Variants in RAB3B observed in about 807,000 individuals in gnomAD.
RAB3B encodes RAB3B, member RAS oncogene family, also known as ras-related protein Rab-3B.
Under a neutral mutation model 20.5 loss-of-function variants are expected in RAB3B, and 11 were observed. That is an observed-to-expected ratio of 0.54 (90% confidence interval 0.34 to 0.89). The LOEUF is 0.89. RAB3B is among the 40% of genes least tolerant of loss of function. The probability of loss-of-function intolerance (pLI) is 0.02; values close to 1 mark genes in which losing one functional copy is unlikely to be tolerated. For missense variants in RAB3B, 225 were observed against 280.9 expected, an observed-to-expected ratio of 0.80 and a Z score of 1.42; for synonymous variants, 99 against 106.3, an observed-to-expected ratio of 0.93 and a Z score of 0.42.
chr1:51,971,391 A>T (rs1014954154), intron 2 of RAB3B, among the ~76,000 whole-genome samples: 5 of 150,684 alleles, frequency 3.3e-5, no homozygotes, highest in African/African-American at 4.9e-5. Flanking sequence ...CTCAAATAGT[A>T]CCTAATCCTA....
At position 51,940,487 on chromosome 1, in the gene RAB3B, G is replaced by C. The variant is rs554590767; in HGVS notation, c.229-3075C>G. Among the ~76,000 whole-genome samples the C allele has an allele frequency of 1.6e-4, 24 of 152,268 alleles. No individual in the cohort carries two copies. The South Asian group carries it at 3.1e-3, about 20-fold the overall frequency. ...AAAATACAAAAGTTAGCCAGGTGTA[G>C]TGGTGTACACCTGTAATCCCAGCTA... On this transcript the variant is annotated intron_variant, in intron 2 of 4. Transcript: ENST00000371655.
At chr1:51,944,064 C>T (rs1208862156) in intron 2 of RAB3B, among the ~76,000 whole-genome samples, 2 of 152,180 alleles carry the variant, frequency 1.3e-5, no homozygotes, top group African/African-American at 2.4e-5. Flanking sequence ...GACTTCAAAG[C>T]TTAAAGAACA....
chr1:51,938,300 G>T (rs1184814437), intron 2 of RAB3B, among the ~76,000 whole-genome samples: 1 of 151,998 alleles, frequency 6.6e-6, no homozygotes, highest in Non-Finnish European at 1.5e-5. Flanking sequence ...CATTAAAAAT[G>T]TTCATACTCT....
intron 2 of RAB3B, among the ~76,000 whole-genome samples, chr1:51,974,546 T>C (rs1168265847): frequency 3.3e-5 from 5 of 152,222 alleles, no homozygotes; most frequent in East Asian, 1.9e-4. Context: ...ATGCCTTTAA[T>C]AGAGAGCAAA....
intron 2 of RAB3B, among the ~76,000 whole-genome samples, chr1:51,963,454 A>G (rs1684809142): frequency 6.6e-6 from 1 of 152,206 alleles, no homozygotes; most frequent in African/African-American, 2.4e-5. Flanking sequence ...CTCTTTGCCT[A>G]TTCTATGCCT....
At chr1:51,936,586 G>A (rs1441548597) in intron 3 of RAB3B, among the ~76,000 whole-genome samples, 1 of 152,016 alleles carries the variant, frequency 6.6e-6, no homozygotes. Context: ...TTCAACACTC[G>A]CACCTACCTT....
chr1:51,945,722 T>C (rs1333445288), intron 2 of RAB3B, among the ~76,000 whole-genome samples: 8 of 152,224 alleles, frequency 5.3e-5, no homozygotes, highest in African/African-American at 1.9e-4. Flanking sequence ...GCTATATGTG[T>C]CATTTCCCAT....
chr1:51,951,733 G>A (rs1025101063), intron 2 of RAB3B, among the ~76,000 whole-genome samples: 3 of 152,170 alleles, frequency 2.0e-5, no homozygotes, highest in South Asian at 2.1e-4. Context: ...AGAATCACTT[G>A]AGCCTAGGAG....
chr1:51,940,247 T>C (rs1161078184), intron 2 of RAB3B, among the ~76,000 whole-genome samples: 1 of 152,148 alleles, frequency 6.6e-6, no homozygotes, highest in East Asian at 1.9e-4. Context: ...AATAGAGTTG[T>C]GAAGGTGGCT....
At chr1:51,982,556 C>T (rs978028959) in intron 1 of RAB3B, among the ~76,000 whole-genome samples, 13 of 152,118 alleles carry the variant, frequency 8.5e-5, no homozygotes, top group African/African-American at 2.9e-4. Flanking sequence ...AGTTCAAGAC[C>T]AGCCTAGCCA....
intron 3 of RAB3B, among the ~76,000 whole-genome samples, 159 bp from the exon 4 acceptor site, chr1:51,933,601 A>C (rs911337059): frequency 6.6e-6 from 1 of 152,162 alleles, no homozygotes; most frequent in African/African-American, 2.4e-5. Flanking sequence ...CTAGAGTCCT[A>C]ATAAATGTGT....
chr1:51,958,442 G>A (rs930392472), intron 2 of RAB3B, among the ~76,000 whole-genome samples: 7 of 152,140 alleles, frequency 4.6e-5, no homozygotes, highest in Non-Finnish European at 7.4e-5. Context: ...TGGCATACTC[G>A]GCCGGGCGCG....
chr1:51,928,946 C>T (rs1447069568), intron 4 of RAB3B, among the ~76,000 whole-genome samples: 1 of 152,204 alleles, frequency 6.6e-6, no homozygotes, highest in Non-Finnish European at 1.5e-5. Flanking sequence ...TTCTCTCTTG[C>T]ACTTCTTCAT....
At chr1:51,971,397 T>A (rs1419414851) in intron 2 of RAB3B, among the ~76,000 whole-genome samples, 1 of 151,844 alleles carries the variant, frequency 6.6e-6, no homozygotes, top group Non-Finnish European at 1.5e-5. Flanking sequence ...TAGTACCTAA[T>A]CCTATACAGT....
chr1:51,949,612 G>A (rs1684609356), intron 2 of RAB3B, among the ~76,000 whole-genome samples: 1 of 152,242 alleles, frequency 6.6e-6, no homozygotes, highest in Admixed American at 6.5e-5. Context: ...GTCACCCCAA[G>A]GGGAAGGTGG....
intron 2 of RAB3B, among the ~76,000 whole-genome samples, chr1:51,961,515 T>G (rs1684783731): frequency 6.6e-6 from 1 of 152,154 alleles, no homozygotes; most frequent in South Asian, 2.1e-4. Context: ...CCAGATGTGC[T>G]ATTTTCCAGG....
chr1:51,976,993 T>G lies in RAB3B; in HGVS notation c.125A>C (p.Tyr42Ser). The change falls in exon 2 of 5, where the codon TAT (tyrosine) becomes TCT (serine). Residue 42 changes from tyrosine to serine, a missense_variant. Transcript: ENST00000371655. ...SVGKTSFLFR[Y>S]ADDTFTPAFV... ...GGCTGGGGTGAACGTGTCATCAGCA[T>G]AGCGGAAGAGGAAGGAGGTCTTGCC... is the stretch of plus-strand genomic sequence containing the variant. 8 of 1,614,224 alleles carry G rather than the reference T, an allele frequency of 5.0e-6. No homozygotes were observed. The highest frequency in any genetic ancestry group is 6.8e-6 in the Non-Finnish European group (8 of 1,180,032).
intron 2 of RAB3B, among the ~76,000 whole-genome samples, chr1:51,958,909 G>C (rs1684748496): frequency 6.6e-6 from 1 of 152,168 alleles, no homozygotes; most frequent in African/African-American, 2.4e-5. Flanking sequence ...CCTCAACTTT[G>C]AGAGGTATAC....
intron 2 of RAB3B, among the ~76,000 whole-genome samples, chr1:51,963,071 TG>T (rs1684804506): frequency 6.6e-6 from 1 of 152,228 alleles, no homozygotes; most frequent in African/African-American, 2.4e-5. Context: ...TCCACATAGA[TG>T]AGGCTTCCAT....
Sources: gnomAD v4.1 joint callset for allele counts (sites outside exome capture counted in the v4.1 genomes callset) on GRCh38, gnomAD v4.1.1 for gene constraint, MANE v1.5 for transcripts, NCBI Gene and HGNC (gene_info 2026-07-23, HGNC 2026-07-21) for gene names.